Variants in AGBL4 observed in about 807,000 individuals in gnomAD.
AGBL4 encodes the protein AGBL carboxypeptidase 4, also known as cytosolic carboxypeptidase 6.
In AGBL4, 58 loss-of-function variants were observed where a neutral mutation model predicts 66.4. The ratio of observed to expected loss-of-function variants is 0.87; its 90% CI spans 0.71 to 1.09. The LOEUF is 1.09. Among genes scored for constraint, AGBL4 ranks in the 50% least tolerant of loss-of-function variants. AGBL4 has a pLI of 0.00. For synonymous variants in AGBL4, 234 were observed against 222.9 expected (o/e 1.05, Z -0.44); for missense variants, 579 against 631.0 (o/e 0.92, Z 0.88).
At chr1:48,909,872 G>A (rs1013615745) in intron 5 of AGBL4, among the ~76,000 whole-genome samples, 4 of 152,138 alleles carry the variant, frequency 2.6e-5, no homozygotes, top group African/African-American at 9.7e-5. Context: ...TTATGTTTAT[G>A]TTTCCTATAC....
chr1:49,912,766 C>G (rs373062418), intron 1 of AGBL4, among the ~76,000 whole-genome samples: 1 of 152,190 alleles, frequency 6.6e-6, no homozygotes, highest in Admixed American at 6.5e-5. Flanking sequence ...TTTGGCTCAA[C>G]AGTTCTGTAG....
chr1:49,676,625 A>AT (rs1646583636), intron 3 of AGBL4, among the ~76,000 whole-genome samples: 1 of 152,130 alleles, frequency 6.6e-6, no homozygotes, highest in East Asian at 1.9e-4. Context: ...ACCATTAAGA[A>AT]TTCACAAACA....
chr1:48,973,775 G>C lies in AGBL4; in HGVS notation c.594+71809C>G, dbSNP rs186616991. 2.2e-3 allele frequency among the ~76,000 whole-genome samples: 329 copies of C among 152,208 alleles called. 2 individuals carry two copies. The highest frequency in any genetic ancestry group is 7.7e-3 in the African/African-American group (319 of 41,530). ...GACTTCAACTTTCAGAAAACATAAA[G>C]GGCACTGATTATGGTATGCTGCATC... On this transcript the variant is annotated intron_variant, in intron 5 of 13. Coordinates refer to ENST00000371839, the MANE Select transcript of AGBL4 (RefSeq NM_032785.4).
At chr1:49,715,842 T>C (rs1648085701) in intron 2 of AGBL4, among the ~76,000 whole-genome samples, 1 of 152,192 alleles carries the variant, frequency 6.6e-6, no homozygotes, top group Non-Finnish European at 1.5e-5. Context: ...TTGTAGATTC[T>C]GGATTTTGGC....
intron 4 of AGBL4, among the ~76,000 whole-genome samples, chr1:49,117,887 T>A (rs566494065): frequency 1.8e-4 from 27 of 152,324 alleles, no homozygotes; most frequent in African/African-American, 6.5e-4. Flanking sequence ...GTGTCCTCTT[T>A]CATTTCCTTG....
At chr1:48,642,439 G>C (rs868467782) in intron 8 of AGBL4, among the ~76,000 whole-genome samples, 8 of 152,026 alleles carry the variant, frequency 5.3e-5, no homozygotes, top group Admixed American at 5.2e-4. Context: ...CCTCTCTCCT[G>C]CTTGGCAGCA....
At chr1:48,561,284 C>T (rs1218850506) in intron 11 of AGBL4, among the ~76,000 whole-genome samples, 1 of 151,960 alleles carries the variant, frequency 6.6e-6, no homozygotes, top group Non-Finnish European at 1.5e-5. Flanking sequence ...CCCTTCTCTT[C>T]CTTCCTCTTC....
chr1:49,753,817 T>C (rs760633033), intron 2 of AGBL4, among the ~76,000 whole-genome samples: 40 of 152,216 alleles, frequency 2.6e-4, no homozygotes, highest in Non-Finnish European at 5.4e-4. Flanking sequence ...TTTCATTAAG[T>C]TGATCTTCAG....
chr1:49,105,127 T>A (rs749376429), intron 4 of AGBL4, among the ~76,000 whole-genome samples: 2 of 152,092 alleles, frequency 1.3e-5, no homozygotes, highest in African/African-American at 4.8e-5. Flanking sequence ...ACATTAAGAG[T>A]ATAGCTCTCT....
rs146730211 is a variant in AGBL4, at chr1:49,308,929, T to C, written c.283-63065A>G. ...CTGAATCAGACAGATTGCATCCAGGTTATACCTCTCAGACTATGTGTTCCT... is the reference window on the plus strand; with the variant it reads ...CTGAATCAGACAGATTGCATCCAGGCTATACCTCTCAGACTATGTGTTCCT... On this transcript the variant is annotated intron_variant, in intron 3 of 13. Coordinates refer to ENST00000371839, the MANE Select transcript of AGBL4 (RefSeq NM_032785.4). Among the ~76,000 whole-genome samples, 139 of 152,288 alleles carry C rather than the reference T, an allele frequency of 9.1e-4. 5 individuals are homozygous for C. In the East Asian group the frequency reaches 0.023, roughly 25 times the overall value.
intron 3 of AGBL4, among the ~76,000 whole-genome samples, chr1:49,430,155 A>G (rs563495936): frequency 8.3e-4 from 126 of 152,048 alleles, no homozygotes; most frequent in Non-Finnish European, 1.6e-3. Flanking sequence ...GCCCGGCCAC[A>G]TATACCATTT....
At chr1:49,513,975 G>A (rs1302435861) in intron 3 of AGBL4, among the ~76,000 whole-genome samples, 5 of 151,870 alleles carry the variant, frequency 3.3e-5, no homozygotes, top group Admixed American at 6.6e-5. Flanking sequence ...TATTCTCTTC[G>A]AAGCAATTGC....
At chr1:49,038,429 A>G (rs1664836018) in intron 5 of AGBL4, among the ~76,000 whole-genome samples, 1 of 152,108 alleles carries the variant, frequency 6.6e-6, no homozygotes, top group Non-Finnish European at 1.5e-5. Flanking sequence ...TAACCTGCAT[A>G]AACACAGGGT....
chr1:48,799,729 C>CT (rs1645767238), intron 6 of AGBL4, among the ~76,000 whole-genome samples: 2 of 152,116 alleles, frequency 1.3e-5, no homozygotes, highest in Admixed American at 1.3e-4. Flanking sequence ...TTTTCAAATG[C>CT]TTTTTTGTGT....
At chr1:48,827,573 G>A (rs1416569431) in intron 6 of AGBL4, among the ~76,000 whole-genome samples, 1 of 152,072 alleles carries the variant, frequency 6.6e-6, no homozygotes, top group Non-Finnish European at 1.5e-5. Context: ...TCCTTGCTCT[G>A]GATAACTGCC....
At chr1:49,236,274 C>T (rs1650737066) in intron 4 of AGBL4, among the ~76,000 whole-genome samples, 1 of 152,056 alleles carries the variant, frequency 6.6e-6, no homozygotes, top group South Asian at 2.1e-4. Flanking sequence ...CTGATCCACC[C>T]TCCTTGGTCT....
chr1:49,709,456 C>A (rs1189157928), intron 2 of AGBL4, among the ~76,000 whole-genome samples: 1 of 152,164 alleles, frequency 6.6e-6, no homozygotes, highest in Admixed American at 6.5e-5. Context: ...CTGTTGGCAG[C>A]GAGAATTTCA....
intron 1 of AGBL4, among the ~76,000 whole-genome samples, chr1:49,926,254 C>A (rs944364129): frequency 2.6e-5 from 4 of 152,226 alleles, no homozygotes; most frequent in African/African-American, 9.6e-5. Flanking sequence ...CCAGAGAATT[C>A]TTCCAGATTT....
intron 3 of AGBL4, among the ~76,000 whole-genome samples, chr1:49,505,049 C>T (rs1648554102): frequency 6.6e-6 from 1 of 151,970 alleles, no homozygotes; most frequent in Non-Finnish European, 1.5e-5. Flanking sequence ...ATGAGGCTTA[C>T]ATAAAATGTT....
Sources: allele counts gnomAD v4.1 joint callset (sites outside exome capture counted in the v4.1 genomes callset), GRCh38; gene constraint gnomAD v4.1.1; transcripts MANE v1.5; gene names NCBI Gene and HGNC (gene_info 2026-07-23, HGNC 2026-07-21).